FSIP1: variants seen among roughly 807,000 people sequenced by gnomAD.
FSIP1 encodes fibrous sheath interacting protein 1.
Under a neutral mutation model 60.9 loss-of-function variants are expected in FSIP1, and 65 were observed. The observed-to-expected ratio is 1.07, with a 90% CI of 0.87 to 1.31. FSIP1 has a LOEUF of 1.31. Ranked by LOEUF, FSIP1 falls within the 40% of genes most tolerant of loss-of-function variation. The pLI is 0.00. For missense variants in FSIP1, 675 were observed against 665.5 expected, an observed-to-expected ratio of 1.01 and a Z score of -0.16; for synonymous variants, 209 against 221.2, an observed-to-expected ratio of 0.94 and a Z score of 0.49.
At chr15:39,719,023 A>C (rs1483515168) in intron 9 of FSIP1, among the ~76,000 whole-genome samples, 1 of 152,172 alleles carries the variant, frequency 6.6e-6, no homozygotes, top group East Asian at 1.9e-4. Context: ...GACCCAAAGG[A>C]TATATAACAG....
chr15:39,691,140 TC>T (rs1208941961), intron 10 of FSIP1, among the ~76,000 whole-genome samples: 4 of 152,254 alleles, frequency 2.6e-5, no homozygotes, highest in African/African-American at 9.6e-5. Flanking sequence ...TCATGGTTAC[TC>T]ATTTGCACTA....
At chr15:39,626,795 C>T (rs917945262) in intron 10 of FSIP1, among the ~76,000 whole-genome samples, 5 of 152,078 alleles carry the variant, frequency 3.3e-5, no homozygotes, top group African/African-American at 9.7e-5. Flanking sequence ...TTATAAATTA[C>T]GTAGTATTTT....
chr15:39,673,565 C>T (rs934008017), intron 10 of FSIP1, among the ~76,000 whole-genome samples: 4 of 152,186 alleles, frequency 2.6e-5, no homozygotes, highest in African/African-American at 9.7e-5. Context: ...ATCCTCCTGC[C>T]ACAGCCTCCC....
intron 10 of FSIP1, among the ~76,000 whole-genome samples, chr15:39,699,181 C>G (rs1566890588): frequency 1.3e-5 from 2 of 152,262 alleles, no homozygotes; most frequent in South Asian, 4.1e-4. Flanking sequence ...ATGTGGTCAC[C>G]CTAGTTACAA....
chr15:39,679,426 T>C (rs917554235), intron 10 of FSIP1, among the ~76,000 whole-genome samples: 7 of 152,130 alleles, frequency 4.6e-5, no homozygotes, highest in African/African-American at 1.7e-4. Context: ...GAGACAACCT[T>C]GGAATCTAAC....
intron 10 of FSIP1, among the ~76,000 whole-genome samples, chr15:39,683,977 T>C (rs1376532726): frequency 2.2e-4 from 33 of 152,214 alleles, no homozygotes; most frequent in East Asian, 1.9e-4. Flanking sequence ...TGTTGATGAA[T>C]TGGACAATTC....
At chr15:39,643,722 G>T (rs1298607706) in intron 10 of FSIP1, among the ~76,000 whole-genome samples, 2 of 152,176 alleles carry the variant, frequency 1.3e-5, no homozygotes, top group Non-Finnish European at 2.9e-5. Flanking sequence ...CCAAATAAGT[G>T]GGAACATCAA....
chr15:39,616,093 A>G (rs1033007986), intron 11 of FSIP1, among the ~76,000 whole-genome samples: 2 of 152,196 alleles, frequency 1.3e-5, no homozygotes, highest in African/African-American at 4.8e-5. Flanking sequence ...AAAAAATATT[A>G]ATTTAAAAAT....
intron 10 of FSIP1, among the ~76,000 whole-genome samples, chr15:39,660,848 A>C (rs779340168): frequency 1.1e-4 from 17 of 152,292 alleles, no homozygotes; most frequent in Non-Finnish European, 1.6e-4. Flanking sequence ...GGATTACCTG[A>C]GGTCAGGAGT....
intron 5 of FSIP1, among the ~76,000 whole-genome samples, chr15:39,760,270 T>C (rs1034051206): frequency 2.0e-5 from 3 of 152,116 alleles, no homozygotes; most frequent in African/African-American, 7.2e-5. Flanking sequence ...GCAGGCAAGA[T>C]CTACTGATTG....
chr15:39,618,551 T>TACCCCTACCTCTGGGGACAGACTA, intron 10 of FSIP1, among the ~76,000 whole-genome samples: 1 of 152,248 alleles, frequency 6.6e-6, no homozygotes, highest in East Asian at 1.9e-4. Flanking sequence ...GATTCAGCAC[T>TACCCCTACCTCTGGGGACAGACTA]CCCATGTCTG....
chr15:39,663,343 T>A (rs1357119875), intron 10 of FSIP1, among the ~76,000 whole-genome samples: 1 of 151,240 alleles, frequency 6.6e-6, no homozygotes, highest in Non-Finnish European at 1.5e-5. Context: ...AGAAATGTAC[T>A]CCCCAGAGAA....
intron 10 of FSIP1, among the ~76,000 whole-genome samples, chr15:39,635,753 C>T (rs1892107768): frequency 6.6e-6 from 1 of 152,118 alleles, no homozygotes; most frequent in African/African-American, 2.4e-5. Flanking sequence ...ATTAAATACC[C>T]ATCCTGCTGC....
chr15:39,780,619 G>A (rs1955862402), intron 1 of FSIP1, among the ~76,000 whole-genome samples: 1 of 152,206 alleles, frequency 6.6e-6, no homozygotes, highest in Non-Finnish European at 1.5e-5. Context: ...CATAGATGCA[G>A]CACTTTTTTC....
intron 3 of FSIP1, among the ~76,000 whole-genome samples, chr15:39,767,696 C>T (rs1040947854): frequency 2.6e-5 from 4 of 152,328 alleles, no homozygotes; most frequent in African/African-American, 7.2e-5. Flanking sequence ...CCAGTGACTA[C>T]GGAACGATGC....
intron 5 of FSIP1, among the ~76,000 whole-genome samples, chr15:39,758,878 T>C (rs1897389401): frequency 6.6e-6 from 1 of 151,688 alleles, no homozygotes; most frequent in Non-Finnish European, 1.5e-5. Context: ...AATCTGAAAA[T>C]AAACCCAGTT....
At chr15:39,711,826 G>A (rs369892773) in intron 10 of FSIP1, among the ~76,000 whole-genome samples, 96 of 151,596 alleles carry the variant, frequency 6.3e-4, no homozygotes, top group South Asian at 2.5e-3. Flanking sequence ...CTGGGACTAC[G>A]GGCGCACACT....
At chr15:39,745,145 C>T (rs909155057) in intron 5 of FSIP1, among the ~76,000 whole-genome samples, 3 of 145,300 alleles carry the variant, frequency 2.1e-5, no homozygotes, top group Admixed American at 6.9e-5. Flanking sequence ...AGCGTCCTCC[C>T]GAACCCAGAC....
intron 1 of FSIP1, among the ~76,000 whole-genome samples, chr15:39,779,853 A>G (rs1898190928): frequency 6.6e-6 from 1 of 152,256 alleles, no homozygotes; most frequent in Admixed American, 6.5e-5. Context: ...TGAGGTGAAT[A>G]AAAGAATCAA....
Sources: gnomAD v4.1 joint callset for allele counts (sites outside exome capture counted in the v4.1 genomes callset) on GRCh38, gnomAD v4.1.1 for gene constraint, MANE v1.5 for transcripts, NCBI Gene and HGNC (gene_info 2026-07-23, HGNC 2026-07-21) for gene names.